The following WDR45B variants were observed in gnomAD, a reference collection of about 807,000 sequenced individuals.
WDR45B encodes the protein WD repeat domain phosphoinositide-interacting protein 3.
WDR45B carries 20 observed loss-of-function variants against 44.6 expected under a neutral mutation model. The ratio of observed to expected loss-of-function variants is 0.45; its 90% CI spans 0.32 to 0.65. The LOEUF is 0.65. WDR45B is among the 30% of genes least tolerant of loss of function. The pLI is 0.05. For missense variants in WDR45B, 323 were observed against 430.2 expected (o/e 0.75, Z 2.20); for synonymous variants, 169 against 164.9 (o/e 1.02, Z -0.19).
intron 5 of WDR45B, among the ~76,000 whole-genome samples, chr17:82,622,982 T>A (rs547471122): frequency 8.4e-4 from 128 of 152,276 alleles, no homozygotes; most frequent in African/African-American, 2.9e-3. Context: ...TTGAAATGGA[T>A]CGAAGATTTA....
intron 2 of WDR45B, 121 bp from the exon 3 acceptor site, chr17:82,631,143 G>T: frequency 1.1e-6 from 1 of 938,514 alleles, no homozygotes; most frequent in Non-Finnish European, 1.6e-6. Flanking sequence ...TAAGAGACAA[G>T]ATCTCACTGT....
At chr17:82,625,351 C>A in intron 5 of WDR45B, 38 bp downstream of exon 5, 1 of 1,592,296 alleles carries the variant, frequency 6.3e-7, no homozygotes, top group Non-Finnish European at 8.6e-7. Flanking sequence ...TCCATGTGGA[C>A]CCATTTCCCA....
Position 82,631,165 on chromosome 17 carries a change from T to C in WDR45B, c.143-143A>G, listed in dbSNP as rs1201206958. 17 of 748,726 alleles carry C rather than the reference T, an allele frequency of 2.3e-5. No individual in the cohort carries two copies. The Admixed American group carries it at 3.7e-4, about 16-fold the overall frequency. 46.4% of individuals were successfully genotyped at this position (748,726 alleles called of 1,614,324 possible). ...CAAGATCTCACTGTGTTGCCCAGGC[T>C]GGAATGCAGTAGCTATTCACAGGTA... is the stretch of plus-strand genomic sequence containing the variant. On this transcript the variant is annotated intron_variant, in intron 2 of 9. Transcript: ENST00000392325.
chr17:82,633,341 TCAA>T (rs2045793517), intron 2 of WDR45B, among the ~76,000 whole-genome samples: 1 of 152,122 alleles, frequency 6.6e-6, no homozygotes. Context: ...CTTTTACAAC[TCAA>T]CAATAAAAAA....
chr17:82,645,315 T>A (rs12951801), intron 1 of WDR45B, among the ~76,000 whole-genome samples: 5,155 of 145,874 alleles, frequency 0.035, 174 homozygotes, highest in Admixed American at 0.11. Flanking sequence ...AAAACAAAAA[T>A]AAAAAATAAA....
At chr17:82,628,147 C>T (rs1275145121) in intron 3 of WDR45B, among the ~76,000 whole-genome samples, 2 of 152,158 alleles carry the variant, frequency 1.3e-5, no homozygotes, top group Non-Finnish European at 2.9e-5. Context: ...CATGCACTAC[C>T]ATGCCCAGCT....
At chr17:82,630,315 G>A (rs1359274859) in intron 3 of WDR45B, among the ~76,000 whole-genome samples, 6 of 21,588 alleles carry the variant, frequency 2.8e-4, no homozygotes, top group South Asian at 1.5e-3. Flanking sequence ...CCTACCTCCC[G>A]CCTCCCACCT....
intron 3 of WDR45B, chr17:82,630,023 C>T: frequency 1.0e-6 from 1 of 978,428 alleles, no homozygotes; most frequent in Non-Finnish European, 1.2e-6. Context: ...TCTGAGACCA[C>T]CGGTGGCCTT....
At chr17:82,623,399 A>C (rs113383283) in intron 5 of WDR45B, among the ~76,000 whole-genome samples, 5 of 144,142 alleles carry the variant, frequency 3.5e-5, no homozygotes, top group African/African-American at 1.0e-4. Flanking sequence ...AAAAAAAAAA[A>C]AAAACAAACA....
At chr17:82,633,955 C>G (rs2143331642) in intron 2 of WDR45B, among the ~76,000 whole-genome samples, 1 of 151,886 alleles carries the variant, frequency 6.6e-6, no homozygotes, top group East Asian at 1.9e-4. Context: ...TTGAAACCAG[C>G]TTGGCCAACA....
At position 82,619,099 on chromosome 17, in the gene WDR45B, T is replaced by TG. The variant is rs1238482271; in HGVS notation, c.647dup (p.Ser217IlefsTer44). On this transcript the variant is annotated frameshift_variant, in exon 7 of 10. Transcript: ENST00000392325. LOFTEE classifies it high-confidence loss of function. ...GCAGTTCCTGGATTAAATGCCCTGA[T>TG]GAAGTATCAAATATTCTTATAAGCG... The TG allele has an allele frequency of 6.2e-7, 1 of 1,614,248 alleles. No homozygotes were observed. The highest frequency in any genetic ancestry group is 1.1e-5 in the South Asian group (1 of 91,088).
intron 6 of WDR45B, among the ~76,000 whole-genome samples, chr17:82,619,989 A>G (rs1251919495): frequency 6.6e-6 from 1 of 152,262 alleles, no homozygotes; most frequent in Non-Finnish European, 1.5e-5. Flanking sequence ...CGGGGATTCT[A>G]TCTAAAGAAG....
intron 5 of WDR45B, among the ~76,000 whole-genome samples, chr17:82,623,702 TA>T (rs34801109): frequency 3.9e-3 from 509 of 131,456 alleles, no homozygotes; most frequent in Middle Eastern, 0.011. Context: ...CATCTCATAT[TA>T]AAAAAAAAAA....
intron 1 of WDR45B, among the ~76,000 whole-genome samples, chr17:82,646,590 G>A (rs1214439256): frequency 1.3e-5 from 2 of 151,474 alleles, no homozygotes. Flanking sequence ...AATCTATGAT[G>A]TCACAAGTCA....
Position 82,615,960 on chromosome 17 carries a change from C to T in WDR45B, c.994G>A (p.Val332Ile), listed in dbSNP as rs748536957. The T allele has an allele frequency of 1.2e-5, 20 of 1,613,626 alleles. No individual in the cohort carries two copies. Among genetic ancestry groups the T allele is most frequent in the African/African-American group, 2.7e-5 (2 of 74,784 alleles). ...GTCATCTCTAGAAACTGCGCGTAGACATCTCGGATGCACTCCCCCTTGGGG... is the reference window on the plus strand; with the variant it reads ...GTCATCTCTAGAAACTGCGCGTAGATATCTCGGATGCACTCCCCCTTGGGG... ...FNPKGECIRD[V>I]YAQFLEMTDD... Residue 332 changes from valine (V) to isoleucine (I), a missense_variant, in exon 10 of 10, where the codon GTC (valine) becomes ATC (isoleucine). Transcript: ENST00000392325.
Position 82,638,965 on chromosome 17 carries a change from G to A in WDR45B, c.142+4984C>T, listed in dbSNP as rs151069970. ...AGCCTTCCAAGTAGCTGGGACTACA[G>A]GCACCCACCACCATGCCCGGCTAAT... On this transcript the variant is annotated intron_variant, in intron 2 of 9. Coordinates refer to ENST00000392325, the MANE Select transcript of WDR45B (RefSeq NM_019613.4). Among the ~76,000 whole-genome samples, 1,418 of 152,056 alleles carry A rather than the reference G, an allele frequency of 9.3e-3. 48 individuals carry two copies. The highest frequency in any genetic ancestry group is 0.033 in the African/African-American group (1,354 of 41,326).
At chr17:82,633,267 C>T (rs559720172) in intron 2 of WDR45B, among the ~76,000 whole-genome samples, 3 of 151,916 alleles carry the variant, frequency 2.0e-5, no homozygotes, top group South Asian at 2.1e-4. Flanking sequence ...ACCTATGGAA[C>T]GGCAGAGCAT....
At chr17:82,627,098 A>T in intron 4 of WDR45B, 106 bp downstream of exon 4, 1 of 930,068 alleles carries the variant, frequency 1.1e-6, no homozygotes. Flanking sequence ...CCAACATTTT[A>T]ATACATCATT....
intron 6 of WDR45B, among the ~76,000 whole-genome samples, 169 bp from the exon 7 acceptor site, chr17:82,619,297 CCT>C (rs1435545827): frequency 3.9e-5 from 6 of 152,186 alleles, no homozygotes; most frequent in South Asian, 4.1e-4. Flanking sequence ...CAGTTGTGCC[CCT>C]GAGAACGAGT....
Sources: gnomAD v4.1 joint callset for allele counts (sites outside exome capture counted in the v4.1 genomes callset) on GRCh38, gnomAD v4.1.1 for gene constraint, MANE v1.5 for transcripts, NCBI Gene and HGNC (gene_info 2026-07-23, HGNC 2026-07-21) for gene names.